Variants in SPTBN1 observed in about 807,000 individuals in gnomAD.
SPTBN1 encodes the protein spectrin beta, non-erythrocytic 1.
SPTBN1 carries 32 observed loss-of-function variants against 266.4 expected under a neutral mutation model. The observed-to-expected ratio is 0.12, with a 90% CI of 0.09 to 0.16. SPTBN1 has a LOEUF of 0.16. SPTBN1 is among the 10% of genes least tolerant of loss of function. SPTBN1 has a pLI of 1.00. For synonymous variants in SPTBN1, 1,336 were observed against 1,162.2 expected, an observed-to-expected ratio of 1.15 and a Z score of -3.04; for missense variants, 2,296 against 3,067.1, an observed-to-expected ratio of 0.75 and a Z score of 5.94.
intron 1 of SPTBN1, among the ~76,000 whole-genome samples, chr2:54,475,821 TC>T (rs1667796854): frequency 6.6e-6 from 1 of 152,228 alleles, no homozygotes; most frequent in African/African-American, 2.4e-5. Flanking sequence ...GTTTTAGTTT[TC>T]TTGTGTCAAA....
chr2:54,658,626 A>G (rs557620911), intron 30 of SPTBN1, among the ~76,000 whole-genome samples: 31 of 152,188 alleles, frequency 2.0e-4, no homozygotes, highest in Admixed American at 5.9e-4. Context: ...ACCTGCATAC[A>G]TTTGTGTTAA....
chr2:54,467,597 C>G (rs553730741), intron 1 of SPTBN1, among the ~76,000 whole-genome samples: 20 of 152,280 alleles, frequency 1.3e-4, no homozygotes, highest in African/African-American at 4.8e-4. Context: ...GTTGGCCAGA[C>G]TGGTCTCGAA....
In SPTBN1 at chr2:54,536,627, A is replaced by C. The variant is rs374554024; in HGVS notation, c.148+10061A>C. On this transcript the variant is annotated intron_variant, in intron 2 of 35. Coordinates refer to ENST00000356805, the MANE Select transcript of SPTBN1 (RefSeq NM_003128.3). ...TCTATGTCTAATGATTGACTTCTGAAAAAAATCATGCTTAGAAAATTATTT... is the reference window on the plus strand; with the variant it reads ...TCTATGTCTAATGATTGACTTCTGACAAAAATCATGCTTAGAAAATTATTT... Among the ~76,000 whole-genome samples the C allele has an allele frequency of 1.3e-4, 20 of 152,366 alleles. No individual in the cohort carries two copies. In the South Asian group the frequency reaches 3.9e-3, roughly 30 times the overall value.
intron 2 of SPTBN1, among the ~76,000 whole-genome samples, chr2:54,551,478 T>G (rs1672562356): frequency 6.6e-6 from 1 of 152,118 alleles, no homozygotes; most frequent in Non-Finnish European, 1.5e-5. Context: ...ACAGACACGG[T>G]AAGAATGCAG....
In SPTBN1 at chr2:54,659,836, G is replaced by A. The variant is rs549765021; in HGVS notation, c.6357-100G>A. The A allele has an allele frequency of 1.1e-5, 16 of 1,481,532 alleles. 1 individual carries two copies. The South Asian group carries it at 1.8e-4, about 17-fold the overall frequency. 91.8% of individuals were successfully genotyped at this position (1,481,532 alleles called of 1,614,324 possible). On this transcript the variant is annotated intron_variant, in intron 31 of 35. Coordinates refer to ENST00000356805, the MANE Select transcript of SPTBN1 (RefSeq NM_003128.3). ...ATTAAATTATGTGAAAAGGTTGCAC[G>A]TAATAAAATTGAGTGATGATGTTCT... is the stretch of plus-strand genomic sequence containing the variant.
Position 54,629,507 on chromosome 2 carries a change from A to G in SPTBN1, c.2373A>G (p.Glu791=). 1.9e-6 allele frequency: 3 copies of G among 1,614,104 alleles called. No individual in the cohort carries two copies. Among genetic ancestry groups the G allele is most frequent in the Non-Finnish European group, 1.7e-6 (2 of 1,180,006 alleles). ...TCAAGAAACACAAGGACGTGGCGGAAGAGATCGCCAATTACAGGCCCACCC... is the reference window on the plus strand; with the variant it reads ...TCAAGAAACACAAGGACGTGGCGGAGGAGATCGCCAATTACAGGCCCACCC... ...SLVKKHKDVA[E]EIANYRPTLD... is the part of the protein sequence containing the mutation. Residue 791 remains glutamate (E), a synonymous_variant, in exon 14 of 36, where the codon GAA becomes GAG. Coordinates refer to ENST00000356805, the MANE Select transcript of SPTBN1 (RefSeq NM_003128.3).
In SPTBN1 at chr2:54,628,582, C is replaced by T. The variant is rs917068258; in HGVS notation, c.1798+332C>T. The stretch of plus-strand genomic sequence containing the variant: ...AGCTCCTGGCTTTCACAGCTGGTTG[C>T]ATATACCTCTCTTTGGAGGATGTTT... On this transcript the variant is annotated intron_variant, in intron 13 of 35. Transcript: ENST00000356805. This position sits in a 1 kb window ranked among gnomAD's most constrained non-coding sequence, Gnocchi z 4.3. Among the ~76,000 whole-genome samples the T allele has an allele frequency of 6.6e-6, 1 of 152,198 alleles. No homozygotes were observed. The highest frequency in any genetic ancestry group is 2.4e-5 in the African/African-American group (1 of 41,436).
chr2:54,662,161 TG>T (rs1285257736), intron 32 of SPTBN1: 6 of 985,114 alleles, frequency 6.1e-6, no homozygotes, highest in Non-Finnish European at 7.2e-6. Context: ...AGAAGCAACG[TG>T]GGGGGTGGGG....
intron 2 of SPTBN1, among the ~76,000 whole-genome samples, chr2:54,579,292 A>G (rs965917782): frequency 2.0e-5 from 3 of 152,158 alleles, no homozygotes; most frequent in African/African-American, 7.2e-5. Context: ...TCCCTCAGGT[A>G]TGAGAATGTC....
chr2:54,487,832 C>CTTTTTTTTTTTTTTTTTTT (rs70944169), intron 1 of SPTBN1, among the ~76,000 whole-genome samples: 6,208 of 68,594 alleles, frequency 0.091, 1,744 homozygotes, highest in Non-Finnish European at 0.12. Context: ...CCTCCTGTGT[C>CTTTTTTTTTTTTTTTTTTT]TTTTTTTTTT....
chr2:54,607,548 G>C (rs1676928085), intron 3 of SPTBN1, among the ~76,000 whole-genome samples: 1 of 152,202 alleles, frequency 6.6e-6, no homozygotes, highest in South Asian at 2.1e-4. Flanking sequence ...CTTGAACCCA[G>C]GAGGCAGAGA....
intron 28 of SPTBN1, among the ~76,000 whole-genome samples, chr2:54,655,641 G>C (rs1217945176): frequency 2.0e-5 from 3 of 152,318 alleles, no homozygotes; most frequent in African/African-American, 7.2e-5. Context: ...CCGTCTTGCT[G>C]TCCCTCTCCT....
intron 2 of SPTBN1, among the ~76,000 whole-genome samples, chr2:54,552,794 C>T (rs1213784210): frequency 6.6e-6 from 1 of 152,224 alleles, no homozygotes; most frequent in Non-Finnish European, 1.5e-5. Context: ...TGTAGCTTCA[C>T]ATGTCCAAGC....
chr2:54,541,015 A>G (rs1456366735), intron 2 of SPTBN1, among the ~76,000 whole-genome samples: 1 of 152,238 alleles, frequency 6.6e-6, no homozygotes, highest in African/African-American at 2.4e-5. Flanking sequence ...GTTAATAACA[A>G]CAAAAACAAT....
intron 1 of SPTBN1, among the ~76,000 whole-genome samples, chr2:54,494,335 A>G (rs1668851081): frequency 6.6e-6 from 1 of 152,214 alleles, no homozygotes. Flanking sequence ...TTTTTAACAA[A>G]TTACAGTATG....
intron 5 of SPTBN1, 109 bp from the exon 6 acceptor site, chr2:54,617,499 T>G (rs1185076420): frequency 2.2e-6 from 2 of 921,000 alleles, no homozygotes; most frequent in Non-Finnish European, 3.4e-6. Context: ...TATTCACTGC[T>G]TTAGGTTTTA....
intron 29 of SPTBN1, 156 bp from the exon 30 acceptor site, chr2:54,657,694 A>G: frequency 1.2e-6 from 1 of 819,870 alleles, no homozygotes. Flanking sequence ...AGTGTGGCTC[A>G]CATTACATTT....
chr2:54,568,303 T>C (rs541425328), intron 2 of SPTBN1, among the ~76,000 whole-genome samples: 1 of 143,556 alleles, frequency 7.0e-6, no homozygotes, highest in East Asian at 2.0e-4. Flanking sequence ...TGAGTCGAGA[T>C]TGCACCACTG....
intron 2 of SPTBN1, among the ~76,000 whole-genome samples, chr2:54,593,837 T>TC (rs1675853408): frequency 1.5e-5 from 2 of 134,286 alleles, no homozygotes; most frequent in Non-Finnish European, 3.2e-5. Flanking sequence ...TTTTTTTTTT[T>TC]TTTTTTTTTT....
Sources: gnomAD v4.1 joint callset for allele counts (sites outside exome capture counted in the v4.1 genomes callset) on GRCh38, gnomAD v4.1.1 for gene constraint, Gnocchi (gnomAD v3.1) non-coding constraint, MANE v1.5 for transcripts, NCBI Gene and HGNC (gene_info 2026-07-23, HGNC 2026-07-21) for gene names.